The following TRIQK variants were observed in gnomAD, a reference collection of about 807,000 sequenced individuals.
The protein encoded by TRIQK is triple QxxK/R motif-containing protein.
In TRIQK, 10 loss-of-function variants were observed where a neutral mutation model predicts 10.8. That is an observed-to-expected ratio of 0.92 (90% CI 0.57 to 1.57). The LOEUF (loss-of-function observed/expected upper bound fraction) is 1.57. Among genes scored for constraint, TRIQK ranks in the 40% most tolerant of loss-of-function variants. TRIQK has a pLI of 0.00. For synonymous variants in TRIQK, 33 were observed against 33.7 expected, an observed-to-expected ratio of 0.98 and a Z score of 0.07; for missense variants, 107 against 97.7, an observed-to-expected ratio of 1.09 and a Z score of -0.40.
intron 1 of TRIQK, among the ~76,000 whole-genome samples, chr8:92,972,080 T>C (rs917674008): frequency 2.0e-5 from 3 of 152,190 alleles, no homozygotes; most frequent in Admixed American, 2.0e-4. Context: ...TTAATAATCT[T>C]AGATTAGATG....
In TRIQK at chr8:92,989,565, C is replaced by T. The variant is rs554748983; in HGVS notation, c.-181+28044G>A. Among the ~76,000 whole-genome samples the T allele has an allele frequency of 1.9e-3, 295 of 152,222 alleles. 7 individuals carry two copies. The highest frequency in any genetic ancestry group is 1.3e-3 in the Non-Finnish European group (87 of 68,012). ...TATGAGAATCTAATACCTGATGATC[C>T]GTCACTGTCTCCCATCACCCCCAGA... On this transcript the variant is annotated intron_variant, in intron 1 of 4. Coordinates refer to the TRIQK transcript ENST00000520686.
intron 2 of TRIQK, among the ~76,000 whole-genome samples, chr8:92,928,508 C>T (rs1199176942): frequency 6.6e-6 from 1 of 152,154 alleles, no homozygotes; most frequent in African/African-American, 2.4e-5. Context: ...TCCTGGGCCC[C>T]ATCACAGTCC....
chr8:92,942,866 T>G (rs1457127311), intron 2 of TRIQK, among the ~76,000 whole-genome samples: 1 of 152,086 alleles, frequency 6.6e-6, no homozygotes, highest in Non-Finnish European at 1.5e-5. Context: ...GGCTAATTTT[T>G]TGTATTTTAG....
At chr8:92,951,778 C>T (rs1341122462) in intron 2 of TRIQK, among the ~76,000 whole-genome samples, 1 of 152,066 alleles carries the variant, frequency 6.6e-6, no homozygotes, top group East Asian at 1.9e-4. Context: ...CTGTCAGAGC[C>T]TAACTGATCT....
Position 92,886,564 on chromosome 8 carries a change from G to T in TRIQK, c.*58C>A. ...TTACAGTTTCAGTATTGAAAGTTTT[G>T]GTCCCAAAAGGTGCTTTCGTAAAGT... On this transcript the variant is annotated 3_prime_UTR_variant, in exon 5 of 5. Transcript: ENST00000521988. 1 of 974,148 alleles carries T rather than the reference G, an allele frequency of 1.0e-6. No individual in the cohort carries two copies. The highest frequency in any genetic ancestry group is 1.5e-6 in the Non-Finnish European group (1 of 668,402). The allele number at this position is 974,148 out of a possible 1,614,324, so 60.3% of individuals were successfully genotyped here.
Position 92,909,104 on chromosome 8 carries a change from A to T in TRIQK, c.61+7825T>A, listed in dbSNP as rs1809432381. On this transcript the variant is annotated intron_variant, in intron 3 of 4. Coordinates refer to ENST00000521988, the MANE Select transcript of TRIQK (RefSeq NM_001171797.2). ...AATATCTAAAGAAGACTCATTACAAAACTAGGGGTCAATAGTCTTTCGTAT... is the reference window on the plus strand; with the variant it reads ...AATATCTAAAGAAGACTCATTACAATACTAGGGGTCAATAGTCTTTCGTAT... 2.0e-5 allele frequency among the ~76,000 whole-genome samples: 3 copies of T among 151,964 alleles called. 1 individual carries two copies. Among genetic ancestry groups the T allele is most frequent in the Admixed American group, 6.6e-5 (1 of 15,242 alleles).
chr8:93,013,098 T>C (rs1817159985), intron 1 of TRIQK, among the ~76,000 whole-genome samples: 1 of 152,182 alleles, frequency 6.6e-6, no homozygotes, highest in Non-Finnish European at 1.5e-5. Context: ...ACTCATGGTA[T>C]ACAATGAGAA....
chr8:92,977,816 T>C (rs1415825509), intron 1 of TRIQK, among the ~76,000 whole-genome samples: 13 of 152,134 alleles, frequency 8.5e-5, no homozygotes, highest in Non-Finnish European at 1.8e-4. Flanking sequence ...ACAATTGTCA[T>C]GTAGAAACAG....
chr8:92,966,787 A>T (rs1812766796), upstream of TRIQK, among the ~76,000 whole-genome samples: 1 of 152,184 alleles, frequency 6.6e-6, no homozygotes, highest in South Asian at 2.1e-4. Context: ...GGCTAGATTT[A>T]TTCAACCATT....
intron 1 of TRIQK, among the ~76,000 whole-genome samples, chr8:92,979,447 A>G (rs2130742818): frequency 6.6e-6 from 1 of 152,262 alleles, no homozygotes; most frequent in Non-Finnish European, 1.5e-5. Flanking sequence ...AAGCCTAAGC[A>G]TATCACCAGA....
chr8:92,956,969 T>A (rs2130693239), intron 1 of TRIQK, among the ~76,000 whole-genome samples: 1 of 151,962 alleles, frequency 6.6e-6, no homozygotes, highest in African/African-American at 2.4e-5. Context: ...GCACATCACA[T>A]ACCACAAATT....
intron 1 of TRIQK, among the ~76,000 whole-genome samples, chr8:93,009,056 T>G (rs1426778127): frequency 6.6e-6 from 1 of 152,212 alleles, no homozygotes; most frequent in Non-Finnish European, 1.5e-5. Context: ...AAGAAATTAT[T>G]TGTAAACTGC....
intron 1 of TRIQK, among the ~76,000 whole-genome samples, chr8:93,011,860 G>A (rs1162172280): frequency 6.6e-6 from 1 of 152,120 alleles, no homozygotes; most frequent in Non-Finnish European, 1.5e-5. Flanking sequence ...GTAGGGATGG[G>A]ATTCAAACCT....
At chr8:93,003,543 C>G (rs948170297) in intron 1 of TRIQK, among the ~76,000 whole-genome samples, 2 of 151,312 alleles carry the variant, frequency 1.3e-5, no homozygotes, top group South Asian at 4.2e-4. Context: ...ATTCCTCCCC[C>G]GGTCCCTCCC....
chr8:92,927,740 G>A (rs1301469080), intron 2 of TRIQK, among the ~76,000 whole-genome samples: 1 of 152,134 alleles, frequency 6.6e-6, no homozygotes, highest in African/African-American at 2.4e-5. Flanking sequence ...CAGTTAGAAA[G>A]ACTGAGAAGG....
At chr8:92,974,408 C>G (rs910914425) in intron 1 of TRIQK, 56 of 152,282 alleles carry the variant, frequency 3.7e-4, no homozygotes, top group African/African-American at 1.3e-3. Flanking sequence ...TCAATGAGCT[C>G]ATCTCATTCC....
chr8:92,991,653 G>A (rs909939123), intron 1 of TRIQK, among the ~76,000 whole-genome samples: 1 of 152,054 alleles, frequency 6.6e-6, no homozygotes, highest in African/African-American at 2.4e-5. Context: ...GTTCCGGCCC[G>A]GGCAATCAGG....
chr8:92,916,123 T>C (rs558298249), intron 3 of TRIQK, among the ~76,000 whole-genome samples: 1 of 152,294 alleles, frequency 6.6e-6, no homozygotes, highest in African/African-American at 2.4e-5. Flanking sequence ...CCTTTTTGCT[T>C]CTAACTAATT....
chr8:92,936,351 A>G (rs552763561), intron 2 of TRIQK, among the ~76,000 whole-genome samples: 1 of 151,786 alleles, frequency 6.6e-6, no homozygotes, highest in East Asian at 1.9e-4. Context: ...ATTCTTGTTA[A>G]CTGATTAAAG....
Sources: gnomAD v4.1 joint callset for allele counts (sites outside exome capture counted in the v4.1 genomes callset) on GRCh38, gnomAD v4.1.1 for gene constraint, MANE v1.5 for transcripts, NCBI Gene and HGNC (gene_info 2026-07-23, HGNC 2026-07-21) for gene names.